The following ZDHHC2 variants were observed in gnomAD, a reference collection of about 807,000 sequenced individuals.
ZDHHC2 encodes zDHHC palmitoyltransferase 2, also known as palmitoyltransferase ZDHHC2.
A neutral mutation model predicts 55.6 loss-of-function variants in ZDHHC2; 51 were observed. The observed-to-expected ratio is 0.92, with a 90% CI of 0.73 to 1.16. The LOEUF (loss-of-function observed/expected upper bound fraction) is 1.16, where lower values mean the gene tolerates loss of function less well. ZDHHC2 is among the 50% of genes most tolerant of loss of function. The probability of loss-of-function intolerance (pLI) is 0.00; values close to 1 mark genes in which losing one functional copy is unlikely to be tolerated. For synonymous variants in ZDHHC2, 199 were observed against 152.9 expected, an observed-to-expected ratio of 1.30 and a Z score of -2.22; for missense variants, 491 against 442.4, an observed-to-expected ratio of 1.11 and a Z score of -0.99.
chr8:17,191,002 C>T lies in ZDHHC2; in HGVS notation c.253-4502C>T, dbSNP rs200960981. Reference sequence around the variant, plus strand: ...TTTGAGATGGAGTTTCGCTCTGTCACCCAGGCTGGAGTGCAATGGCATAAT... The same window carrying T: ...TTTGAGATGGAGTTTCGCTCTGTCATCCAGGCTGGAGTGCAATGGCATAAT... On this transcript the variant is annotated intron_variant, in intron 3 of 12. Transcript: ENST00000262096. Among the ~76,000 whole-genome samples the T allele has an allele frequency of 3.0e-4, 41 of 136,528 alleles. No individual in the cohort carries two copies. In the East Asian group the frequency reaches 8.3e-3, roughly 28 times the overall value. The allele number at this position is 136,528 out of a possible 152,430, so 89.6% of individuals were successfully genotyped here. A position where few individuals can be genotyped will look rare whatever the true frequency, so the allele number is the denominator to read the frequency against.
chr8:17,188,622 T>G (rs2150911489), intron 3 of ZDHHC2, among the ~76,000 whole-genome samples: 1 of 152,272 alleles, frequency 6.6e-6, no homozygotes, highest in South Asian at 2.1e-4. Context: ...TGGACTTCTC[T>G]TCTTATATAC....
intron 6 of ZDHHC2, among the ~76,000 whole-genome samples, chr8:17,202,772 TACAC>T (rs924185906): frequency 5.3e-5 from 8 of 151,060 alleles, no homozygotes; most frequent in South Asian, 4.2e-4. Flanking sequence ...TGCACATACA[TACAC>T]ACACACATAC....
At chr8:17,179,630 C>T (rs891628090) in intron 1 of ZDHHC2, among the ~76,000 whole-genome samples, 2 of 152,106 alleles carry the variant, frequency 1.3e-5, no homozygotes, top group Admixed American at 1.3e-4. Context: ...AGGCTGATCT[C>T]CAACTCTTGG....
At position 17,156,803 on chromosome 8, in the gene ZDHHC2, C is replaced by G; in HGVS notation, c.80C>G (p.Thr27Ser). The change falls in exon 1 of 13, where the codon ACC (threonine) becomes AGC (serine). Residue 27 changes from threonine to serine, a missense_variant. By Grantham distance (58) the Thr-to-Ser change is moderately conservative. Coordinates refer to ENST00000262096, the MANE Select transcript of ZDHHC2 (RefSeq NM_016353.5). ...TACTGGATCCCGGTGGTGTTCATCA[C>G]CCTCCTGCTCGGCTGGTCCTACTAC... The part of the protein sequence containing the change: ...VLYWIPVVFI[T>S]LLLGWSYYAY... 2 of 1,522,308 alleles carry G rather than the reference C, an allele frequency of 1.3e-6. No homozygotes were observed. Among genetic ancestry groups the G allele is most frequent in the Non-Finnish European group, 1.8e-6 (2 of 1,133,578 alleles). The allele number at this position is 1,522,308 out of a possible 1,614,324, so 94.3% of individuals were successfully genotyped here. A position where few individuals can be genotyped will look rare whatever the true frequency, so the allele number is the denominator to read the frequency against.
chr8:17,164,340 G>T (rs958435016), intron 1 of ZDHHC2, among the ~76,000 whole-genome samples: 1 of 152,094 alleles, frequency 6.6e-6, no homozygotes, highest in African/African-American at 2.4e-5. Flanking sequence ...CATACTTAAT[G>T]GTAGTTCATT....
rs114148561 is a variant in ZDHHC2, at chr8:17,163,535, A to G, written c.130+6682A>G. Among the ~76,000 whole-genome samples, 326 of 152,218 alleles carry G rather than the reference A, an allele frequency of 2.1e-3. 1 individual carries two copies. The highest frequency in any genetic ancestry group is 7.5e-3 in the African/African-American group (310 of 41,518). On this transcript the variant is annotated intron_variant, in intron 1 of 12. Coordinates refer to ENST00000262096, the MANE Select transcript of ZDHHC2 (RefSeq NM_016353.5). ...TTTTTATGTTTTATCTTGATGGAGA[A>G]TTTGTGATTTTCCTTCTCAGAAAAA...
chr8:17,195,643 T>TG lies in ZDHHC2; in HGVS notation c.373+20dup, dbSNP rs1232257114. 6.2e-7 allele frequency: 1 copy of TG among 1,613,216 alleles called. No homozygotes were observed. The highest frequency in any genetic ancestry group is 8.5e-7 in the Non-Finnish European group (1 of 1,179,500). ...TCTGGAGGTAAATGTTGATAATGAG[T>TG]GCTTTGCAATGGTATGCAAATAACA... On this transcript the variant is annotated intron_variant, in intron 4 of 12. Coordinates refer to ENST00000262096, the MANE Select transcript of ZDHHC2 (RefSeq NM_016353.5).
chr8:17,188,120 T>G (rs1805814171), intron 3 of ZDHHC2, among the ~76,000 whole-genome samples: 2 of 152,250 alleles, frequency 1.3e-5, no homozygotes, highest in African/African-American at 4.8e-5. Context: ...GTTTCTCTCA[T>G]TTTAGTTGTG....
Position 17,167,291 on chromosome 8 carries a change from CTT to C in ZDHHC2, c.130+10447_130+10448del, listed in dbSNP as rs869296432. Among the ~76,000 whole-genome samples the C allele has an allele frequency of 8.6e-4, 119 of 137,580 alleles. No homozygotes were observed. The East Asian group carries it at 0.02, about 23-fold the overall frequency. 90.3% of individuals were successfully genotyped at this position (137,580 alleles called of 152,430 possible). On this transcript the variant is annotated intron_variant, in intron 1 of 12. Transcript: ENST00000262096. ...GATGTTTATAAACAAGCTGGTAATA[CTT>C]TTTTTTTTAACTTTTTTTTTTTTTT...
intron 10 of ZDHHC2, among the ~76,000 whole-genome samples, chr8:17,212,717 G>C (rs964313963): frequency 6.6e-6 from 1 of 151,800 alleles, no homozygotes; most frequent in African/African-American, 2.4e-5. Context: ...AGCTCTATTA[G>C]TTTCCCATCT....
At position 17,215,252 on chromosome 8, in the gene ZDHHC2, G is replaced by C; in HGVS notation, c.966G>C (p.Gln322His). ...NSTAKNLENHQFPAKPLRESQ... is the reference protein window; with the variant it reads ...NSTAKNLENHHFPAKPLRESQ... The stretch of plus-strand genomic sequence containing the variant: ...TATTATTCAGTCTCGAAAACCATCA[G>C]TTTCCTGCAAAGCCATTGAGAGAGT... Residue 322 changes from glutamine (Q) to histidine (H), a missense_variant, in exon 11 of 13, where the codon CAG (glutamine) becomes CAC (histidine). Physicochemically the swap from Gln to His is conservative, Grantham distance 24 (BLOSUM62 0). Coordinates refer to ENST00000262096, the MANE Select transcript of ZDHHC2 (RefSeq NM_016353.5). 6.3e-7 allele frequency: 1 copy of C among 1,597,954 alleles called. No homozygotes were observed. Among genetic ancestry groups the C allele is most frequent in the Non-Finnish European group, 8.5e-7 (1 of 1,172,096 alleles).
chr8:17,156,894 G>T, intron 1 of ZDHHC2, 41 bp downstream of exon 1: 1 of 1,468,608 alleles, frequency 6.8e-7, no homozygotes, highest in East Asian at 3.1e-5. Flanking sequence ...GCGCAGCGCA[G>T]CCCACCCCGA....
At chr8:17,194,924 T>A (rs2150921397) in intron 3 of ZDHHC2, among the ~76,000 whole-genome samples, 1 of 152,306 alleles carries the variant, frequency 6.6e-6, no homozygotes, top group East Asian at 1.9e-4. Flanking sequence ...TGTATTTATA[T>A]ACATATTATT....
intron 6 of ZDHHC2, among the ~76,000 whole-genome samples, chr8:17,199,497 T>TG (rs1554465961): frequency 1.9e-5 from 1 of 52,630 alleles, no homozygotes; most frequent in Non-Finnish European, 4.4e-5. Context: ...CTTCTTCTTC[T>TG]TCTTCTTCTT....
At chr8:17,212,824 G>C (rs1048348233) in intron 10 of ZDHHC2, among the ~76,000 whole-genome samples, 61 of 151,204 alleles carry the variant, frequency 4.0e-4, no homozygotes, top group African/African-American at 1.5e-3. Context: ...TTTTAATGGA[G>C]ACAGGGTCTT....
chr8:17,170,166 G>C (rs1804787941), intron 1 of ZDHHC2, among the ~76,000 whole-genome samples: 1 of 152,206 alleles, frequency 6.6e-6, no homozygotes, highest in Non-Finnish European at 1.5e-5. Context: ...CTGGGATCAA[G>C]AAAGATTGTG....
chr8:17,163,811 A>G (rs59140165), intron 1 of ZDHHC2, among the ~76,000 whole-genome samples: 3,498 of 152,324 alleles, frequency 0.023, 151 homozygotes, highest in African/African-American at 0.08. Flanking sequence ...GATTAGAAAG[A>G]CAGTTTTAAT....
At chr8:17,169,707 G>A (rs1049936038) in intron 1 of ZDHHC2, among the ~76,000 whole-genome samples, 12 of 152,280 alleles carry the variant, frequency 7.9e-5, no homozygotes, top group Admixed American at 5.9e-4. Flanking sequence ...TCCAGAGTAA[G>A]TGAAATGATT....
chr8:17,211,211 A>T (rs17124238), intron 10 of ZDHHC2, among the ~76,000 whole-genome samples: 1 of 152,068 alleles, frequency 6.6e-6, no homozygotes, highest in African/African-American at 2.4e-5. Context: ...CAGTTTTTAT[A>T]CCTTTGTGAC....
Sources: gnomAD v4.1 joint callset for allele counts (sites outside exome capture counted in the v4.1 genomes callset) on GRCh38, gnomAD v4.1.1 for gene constraint, MANE v1.5 for transcripts, NCBI Gene and HGNC (gene_info 2026-07-23, HGNC 2026-07-21) for gene names.